RIT2: variants seen among roughly 807,000 people sequenced by gnomAD.
The protein encoded by RIT2 is GTP-binding protein Rit2.
A neutral mutation model predicts 23.7 loss-of-function variants in RIT2; 24 were observed. That is an observed-to-expected ratio of 1.01 (90% CI 0.73 to 1.43). The LOEUF (loss-of-function observed/expected upper bound fraction) is 1.43, where lower values mean the gene tolerates loss of function less well. Ranked by LOEUF, RIT2 falls within the 40% of genes most tolerant of loss-of-function variation. The pLI, the probability that RIT2 is intolerant of heterozygous loss-of-function variation, is 0.00. For missense variants in RIT2, 236 were observed against 266.9 expected (o/e 0.88, Z 0.81); for synonymous variants, 107 against 91.1 (o/e 1.17, Z -0.99).
intron 2 of RIT2, among the ~76,000 whole-genome samples, chr18:42,974,964 TG>T (rs1262391413): frequency 1.3e-5 from 2 of 152,120 alleles, no homozygotes; most frequent in Admixed American, 6.6e-5. Flanking sequence ...ATGTCATACC[TG>T]CCAAAGGAAT....
intron 4 of RIT2, among the ~76,000 whole-genome samples, chr18:42,798,046 A>T (rs746025524): frequency 1.6e-4 from 24 of 152,310 alleles, no homozygotes; most frequent in Admixed American, 2.6e-4. Context: ...TTCCTTGAAG[A>T]TATGCAGGCT....
chr18:42,964,274 A>G (rs2144190439), intron 3 of RIT2, among the ~76,000 whole-genome samples: 1 of 152,156 alleles, frequency 6.6e-6, no homozygotes, highest in African/African-American at 2.4e-5. Flanking sequence ...TCATTAAGCC[A>G]AAGGGAAAAG....
intron 4 of RIT2, among the ~76,000 whole-genome samples, chr18:42,780,532 TC>T (rs1913787012): frequency 6.6e-6 from 1 of 152,156 alleles, no homozygotes. Flanking sequence ...ATGTAAATTT[TC>T]CCTGTAAGAG....
At chr18:42,817,485 G>T (rs1447485336) in intron 4 of RIT2, among the ~76,000 whole-genome samples, 1 of 152,104 alleles carries the variant, frequency 6.6e-6, no homozygotes, top group African/African-American at 2.4e-5. Flanking sequence ...TTTATTAGAT[G>T]TCATAATTAT....
At chr18:42,767,069 G>T (rs2143909369) in intron 4 of RIT2, among the ~76,000 whole-genome samples, 1 of 152,368 alleles carries the variant, frequency 6.6e-6, no homozygotes, top group African/African-American at 2.4e-5. Flanking sequence ...GTGCAGAAGA[G>T]AAGTGTGGGG....
intron 4 of RIT2, among the ~76,000 whole-genome samples, chr18:42,832,400 C>T (rs192363013): frequency 4.6e-5 from 7 of 152,262 alleles, no homozygotes; most frequent in African/African-American, 1.7e-4. Flanking sequence ...TGATCCCACC[C>T]ATAATGATGA....
At chr18:43,037,022 A>G (rs1568063027) in intron 1 of RIT2, among the ~76,000 whole-genome samples, 1 of 152,194 alleles carries the variant, frequency 6.6e-6, no homozygotes, top group Non-Finnish European at 1.5e-5. Flanking sequence ...CTTGCTAAAG[A>G]GCAACTTCAT....
At chr18:42,829,068 T>A in intron 4 of RIT2, among the ~76,000 whole-genome samples, 1 of 152,124 alleles carries the variant, frequency 6.6e-6, no homozygotes, top group Non-Finnish European at 1.5e-5. Flanking sequence ...ATTCCTGGGA[T>A]CCTTCCTGGA....
At chr18:42,864,008 T>C (rs532941266) in intron 4 of RIT2, among the ~76,000 whole-genome samples, 6 of 144,406 alleles carry the variant, frequency 4.2e-5, no homozygotes, top group African/African-American at 1.7e-4. Flanking sequence ...AGCAACTCTA[T>C]TCACAAATTG....
intron 4 of RIT2, among the ~76,000 whole-genome samples, chr18:42,886,982 A>G (rs1908039670): frequency 6.6e-6 from 1 of 152,238 alleles, no homozygotes; most frequent in South Asian, 2.1e-4. Flanking sequence ...TAGAAGGAAT[A>G]CAATAGAAAT....
intron 3 of RIT2, among the ~76,000 whole-genome samples, chr18:42,932,092 T>A (rs1041948682): frequency 6.6e-6 from 1 of 152,192 alleles, no homozygotes; most frequent in Non-Finnish European, 1.5e-5. Context: ...TGTCTCCAGA[T>A]AATTATAAAA....
chr18:43,093,910 C>T (rs573432952), intron 1 of RIT2, among the ~76,000 whole-genome samples: 103 of 151,930 alleles, frequency 6.8e-4, no homozygotes, highest in African/African-American at 2.3e-3. Flanking sequence ...GTTTGGATTG[C>T]ATAAGAAACA....
intron 3 of RIT2, among the ~76,000 whole-genome samples, chr18:42,962,078 T>A (rs908094460): frequency 6.6e-6 from 1 of 152,098 alleles, no homozygotes; most frequent in Non-Finnish European, 1.5e-5. Flanking sequence ...TGTTTAGGGG[T>A]GAAAGCACCG....
intron 4 of RIT2, among the ~76,000 whole-genome samples, chr18:42,794,235 A>C (rs552085037): frequency 6.6e-6 from 1 of 152,280 alleles, no homozygotes; most frequent in African/African-American, 2.4e-5. Context: ...AGCAGTCAGA[A>C]CTTCCCCAGG....
intron 4 of RIT2, among the ~76,000 whole-genome samples, chr18:42,896,125 G>A (rs780836980): frequency 2.8e-4 from 43 of 152,266 alleles, no homozygotes; most frequent in Non-Finnish European, 5.1e-4. Flanking sequence ...TTAGCTAGGC[G>A]TGGTGGCAAG....
At chr18:42,751,648 A>C in intron 4 of RIT2, among the ~76,000 whole-genome samples, 1 of 152,010 alleles carries the variant, frequency 6.6e-6, no homozygotes, top group East Asian at 1.9e-4. Context: ...TACTTTGATA[A>C]GTAATGTAGG....
chr18:43,023,481 C>T (rs1040930146), intron 2 of RIT2, among the ~76,000 whole-genome samples: 1 of 151,984 alleles, frequency 6.6e-6, no homozygotes, highest in East Asian at 1.9e-4. Flanking sequence ...CTAAGGATAT[C>T]AAAATATTCA....
rs757095513 is a variant in RIT2 at position 43,026,620 on chromosome 18, GAAAGAAAGAAAGAA to G, written c.160+7177_160+7190del. Among the ~76,000 whole-genome samples, 518 of 141,900 alleles carry G rather than the reference GAAAGAAAGAAAGAA, an allele frequency of 3.7e-3. 8 individuals carry two copies. Among genetic ancestry groups the G allele is most frequent in the South Asian group, 0.036 (153 of 4,222 alleles). 93.1% of individuals were successfully genotyped at this position (141,900 alleles called of 152,430 possible). ...AGAAAGAAAGAAAGAAAGAAAGAAA[GAAAGAAAGAAAGAA>G]AGAGAGAAAGAAGGAAAGGCTGTAG... On this transcript the variant is annotated intron_variant, in intron 2 of 4. Transcript: ENST00000326695.
At chr18:42,816,005 A>G (rs1905987637) in intron 4 of RIT2, among the ~76,000 whole-genome samples, 1 of 152,196 alleles carries the variant, frequency 6.6e-6, no homozygotes, top group African/African-American at 2.4e-5. Flanking sequence ...GTCTACACAG[A>G]AAGCATGACA....
Sources: allele counts gnomAD v4.1 joint callset (sites outside exome capture counted in the v4.1 genomes callset), GRCh38; gene constraint gnomAD v4.1.1; transcripts MANE v1.5; gene names NCBI Gene and HGNC (gene_info 2026-07-23, HGNC 2026-07-21).